The following FAM120B variants were observed in gnomAD, a reference collection of about 807,000 sequenced individuals.
The protein encoded by FAM120B is family with sequence similarity 120 member B, also known as constitutive coactivator of peroxisome proliferator-activated receptor gamma.
A neutral mutation model predicts 96.3 loss-of-function variants in FAM120B; 83 were observed. That is an observed-to-expected ratio of 0.86 (90% confidence interval 0.72 to 1.03). The LOEUF is 1.03. Ranked by LOEUF, FAM120B falls within the 50% of genes least tolerant of loss-of-function variation. FAM120B has a pLI of 0.00. For missense variants in FAM120B, 1,027 were observed against 1,121.2 expected (o/e 0.92, Z 1.20); for synonymous variants, 407 against 402.7 (o/e 1.01, Z -0.13).
intron 6 of FAM120B, among the ~76,000 whole-genome samples, chr6:170,369,379 G>A (rs957430506): frequency 2.3e-4 from 35 of 152,198 alleles, no homozygotes; most frequent in Non-Finnish European, 4.1e-4. Context: ...TGGCAGCAGG[G>A]CCCCACTTTC....
At chr6:170,374,107 A>G (rs1483447677) in intron 6 of FAM120B, among the ~76,000 whole-genome samples, 2 of 152,194 alleles carry the variant, frequency 1.3e-5, no homozygotes, top group East Asian at 3.8e-4. Flanking sequence ...AATGTCTATA[A>G]AAAGCATCTT....
chr6:170,327,111 A>G (rs867100167), intron 3 of FAM120B, among the ~76,000 whole-genome samples: 17 of 152,076 alleles, frequency 1.1e-4, no homozygotes, highest in Middle Eastern at 6.8e-3. Context: ...CAGTAGCACA[A>G]TCTTGGCTCA....
At chr6:170,376,913 T>C (rs1789558629) in intron 6 of FAM120B, among the ~76,000 whole-genome samples, 1 of 151,024 alleles carries the variant, frequency 6.6e-6, no homozygotes, top group Non-Finnish European at 1.5e-5. Flanking sequence ...CTTTGTGCTT[T>C]GCACACGCGT....
At chr6:170,345,724 A>G (rs1476672230) in intron 4 of FAM120B, among the ~76,000 whole-genome samples, 1 of 152,222 alleles carries the variant, frequency 6.6e-6, no homozygotes, top group Non-Finnish European at 1.5e-5. Flanking sequence ...AGATACCTGG[A>G]AATCTCTTCC....
At chr6:170,365,718 C>T (rs1276301867) in intron 6 of FAM120B, among the ~76,000 whole-genome samples, 1 of 150,896 alleles carries the variant, frequency 6.6e-6, no homozygotes, top group African/African-American at 2.4e-5. Context: ...CCTCCCTCCC[C>T]CCCCTCCCCC....
chr6:170,368,532 C>G (rs1230806656), intron 6 of FAM120B, among the ~76,000 whole-genome samples: 2 of 152,136 alleles, frequency 1.3e-5, no homozygotes, highest in Admixed American at 6.5e-5. Context: ...CATGAAAATA[C>G]AGGATTGTGT....
chr6:170,336,366 G>A (rs965330640), intron 4 of FAM120B, among the ~76,000 whole-genome samples: 3 of 152,004 alleles, frequency 2.0e-5, no homozygotes, highest in African/African-American at 7.2e-5. Context: ...GTAGATGTGT[G>A]GTGTTATTTC....
rs1272849943 is a variant in FAM120B, at chr6:170,317,833, T to G, written c.443T>G (p.Leu148Arg). The G allele has an allele frequency of 1.2e-6, 2 of 1,614,218 alleles. No homozygotes were observed. The highest frequency in any genetic ancestry group is 1.1e-5 in the South Asian group (1 of 91,088). The change falls in exon 2 of 11, where the codon CTG becomes CGG. Residue 148 changes from leucine (L) to arginine (R), a missense_variant. Physicochemically the swap from Leu to Arg is moderately radical, Grantham distance 102. This residue lies in a region of FAM120B where 880 missense variants were observed against 980.9 expected (regional missense o/e 0.90). Transcript: ENST00000476287. ...AVFTRFALKT[L>R]GQETLCSLQE... ...TTTACACGATTTGCTCTAAAGACAC[T>G]GGGCCAGGAAACTTTGTGTTCTTTG...
intron 9 of FAM120B, among the ~76,000 whole-genome samples, chr6:170,398,333 G>A (rs1194843510): frequency 6.6e-6 from 1 of 152,236 alleles, no homozygotes; most frequent in Non-Finnish European, 1.5e-5. Flanking sequence ...GTAGAACTAT[G>A]TCATAACTCT....
upstream of FAM120B, chr6:170,291,174 A>G: frequency 9.6e-6 from 4 of 417,532 alleles, no homozygotes; most frequent in South Asian, 6.8e-5. Context: ...TTCCTCCCTC[A>G]CCACACAAAA....
At chr6:170,350,333 A>G (rs756656919) in intron 5 of FAM120B, among the ~76,000 whole-genome samples, 2 of 152,174 alleles carry the variant, frequency 1.3e-5, no homozygotes, top group Non-Finnish European at 2.9e-5. Flanking sequence ...TCCCAGGAAG[A>G]GGGACGGCCA....
intron 3 of FAM120B, among the ~76,000 whole-genome samples, chr6:170,328,714 C>G (rs1489684472): frequency 1.3e-5 from 2 of 152,154 alleles, no homozygotes; most frequent in South Asian, 4.1e-4. Context: ...TTTTGTCTTT[C>G]TCAATCTCTT....
At position 170,319,005 on chromosome 6, in the gene FAM120B, G is replaced by C; in HGVS notation, c.1615G>C (p.Glu539Gln). ...AAAATTACCTGTAGCAACAGATTTTGAATTTAAGCTAGAAGCTCTCATGTG... is the reference window on the plus strand; with the variant it reads ...AAAATTACCTGTAGCAACAGATTTTCAATTTAAGCTAGAAGCTCTCATGTG... ...NQKLPVATDF[E>Q]FKLEALMCTN... The change falls in exon 2 of 11, where the codon GAA becomes CAA. Residue 539 changes from glutamate to glutamine, a missense_variant. Transcript: ENST00000476287. 1 of 1,614,146 alleles carries C rather than the reference G, an allele frequency of 6.2e-7. No homozygotes were observed. The highest frequency in any genetic ancestry group is 8.5e-7 in the Non-Finnish European group (1 of 1,179,996).
intron 1 of FAM120B, among the ~76,000 whole-genome samples, chr6:170,296,221 G>T (rs1784001738): frequency 6.6e-6 from 1 of 152,058 alleles, no homozygotes; most frequent in South Asian, 2.1e-4. Flanking sequence ...CTGGGGGGCC[G>T]GGTGTTGGGG....
intron 1 of FAM120B, among the ~76,000 whole-genome samples, chr6:170,308,191 T>G (rs772413757): frequency 9.9e-5 from 15 of 152,214 alleles, no homozygotes; most frequent in Non-Finnish European, 1.9e-4. Flanking sequence ...CCCAGCTCCA[T>G]CATTAGTGAG....
chr6:170,374,203 C>T (rs1254090822), intron 6 of FAM120B, among the ~76,000 whole-genome samples: 2 of 152,246 alleles, frequency 1.3e-5, no homozygotes, highest in Non-Finnish European at 2.9e-5. Context: ...TTGTGTCCTA[C>T]TGGCTCCTCG....
intron 3 of FAM120B, among the ~76,000 whole-genome samples, chr6:170,324,168 A>G (rs6916476): frequency 2.7e-4 from 41 of 152,234 alleles, no homozygotes; most frequent in African/African-American, 7.5e-4. Flanking sequence ...GAACATTTAC[A>G]TAATCTAAAA....
intron 6 of FAM120B, among the ~76,000 whole-genome samples, chr6:170,362,903 T>C (rs1788555127): frequency 6.6e-6 from 1 of 152,032 alleles, no homozygotes; most frequent in Admixed American, 6.6e-5. Context: ...CAGGATGGTC[T>C]CGAACTCCTG....
rs78390495 is a variant in FAM120B at position 170,371,318 on chromosome 6, G to A, written c.2283+13000G>A. On this transcript the variant is annotated intron_variant, in intron 6 of 10. Coordinates refer to ENST00000476287, the MANE Select transcript of FAM120B (RefSeq NM_032448.3). Reference sequence around the variant, plus strand: ...CAGGTTCTCAGTGGCTGAGGGTTGTGTGGATGGACGATGTTTTGTTTGTCT... The same window carrying A: ...CAGGTTCTCAGTGGCTGAGGGTTGTATGGATGGACGATGTTTTGTTTGTCT... 2.6e-5 allele frequency among the ~76,000 whole-genome samples: 4 copies of A among 152,110 alleles called. No individual in the cohort carries two copies. In the East Asian group the frequency reaches 7.7e-4, roughly 29 times the overall value.
Sources: gnomAD v4.1 joint callset for allele counts (sites outside exome capture counted in the v4.1 genomes callset) on GRCh38, gnomAD v4.1.1 for gene constraint, gnomAD v4.1.1 regional missense constraint, MANE v1.5 for transcripts, NCBI Gene and HGNC (gene_info 2026-07-23, HGNC 2026-07-21) for gene names.